The following DLGAP5 variants were observed in gnomAD, a reference collection of about 807,000 sequenced individuals.
DLGAP5 encodes the protein DLG associated protein 5, also known as disks large-associated protein 5.
In DLGAP5, 90 loss-of-function variants were observed where a neutral mutation model predicts 99.6. The ratio of observed to expected loss-of-function variants is 0.90; its 90% CI spans 0.76 to 1.08. The LOEUF (loss-of-function observed/expected upper bound fraction) is 1.08, where lower values mean the gene tolerates loss of function less well. DLGAP5 is among the 50% of genes least tolerant of loss of function. The pLI is 0.00. For missense variants in DLGAP5, 1,036 were observed against 983.5 expected (o/e 1.05, Z -0.71); for synonymous variants, 311 against 321.3 (o/e 0.97, Z 0.34).
At chr14:55,175,283 GTTTTGGTTTTAAATGTCTAGATATTAA>G (rs1434471582) in intron 10 of DLGAP5, 36 bp downstream of exon 10, 2 of 1,501,374 alleles carry the variant, frequency 1.3e-6, no homozygotes, top group African/African-American at 2.9e-5. Flanking sequence ...AAAATTTTTA[GTTTTGGTTTTAAATGTCTAGATATTAA>G]TACAAAATTC....
chr14:55,185,852 A>G (rs1216067243), intron 2 of DLGAP5, among the ~76,000 whole-genome samples: 2 of 152,260 alleles, frequency 1.3e-5, no homozygotes, highest in African/African-American at 4.8e-5. Flanking sequence ...ACACACAATT[A>G]TAATGAACCC....
At chr14:55,160,267 C>T (rs574089614) in intron 13 of DLGAP5, among the ~76,000 whole-genome samples, 5 of 149,894 alleles carry the variant, frequency 3.3e-5, no homozygotes, top group East Asian at 2.0e-4. Context: ...TGGTGGCACA[C>T]GCCTGTAATC....
Position 55,170,791 on chromosome 14 carries a change from A to C in DLGAP5, c.1302-4T>G, listed in dbSNP as rs755509927. ...AGTTTCTGACTGGAGGATATTTCTA[A>C]AATTATGACATACATTTCAGTTCTA... On this transcript the variant is annotated splice_polypyrimidine_tract_variant and splice_region_variant and intron_variant, in intron 10 of 18. Transcript: ENST00000247191. 3.1e-6 allele frequency: 5 copies of C among 1,610,766 alleles called. No homozygotes were observed. The highest frequency in any genetic ancestry group is 2.2e-5 in the East Asian group (1 of 44,756).
At chr14:55,176,146 T>A in intron 8 of DLGAP5, 128 bp from the exon 9 acceptor site, 1 of 773,284 alleles carries the variant, frequency 1.3e-6, no homozygotes, top group Non-Finnish European at 1.9e-6. Context: ...TTAAAATGTG[T>A]ATTCTGGAGG....
intron 15 of DLGAP5, among the ~76,000 whole-genome samples, chr14:55,153,592 A>G (rs1473372565): frequency 6.6e-6 from 1 of 152,104 alleles, no homozygotes; most frequent in African/African-American, 2.4e-5. Flanking sequence ...TTTTTAAAAA[A>G]GATATGCTCT....
Position 55,189,014 on chromosome 14 carries a change from C to T in DLGAP5, c.166G>A (p.Glu56Lys), listed in dbSNP as rs1273663499. ...TCTAATTCAACAAGAATTCTACCTT[C>T]CAAGGTTGGAATGTTTACATCTTTC... ...GLKDVNIPTL[E>K]GRILVELDET... The change falls in exon 2 of 19, where the codon GAA (glutamate) becomes AAA (lysine). Residue 56 changes from glutamate (E) to lysine (K), a missense_variant. Glu to Lys is a moderately conservative substitution (Grantham distance 56). Coordinates refer to ENST00000247191, the MANE Select transcript of DLGAP5 (RefSeq NM_014750.5). 2.5e-6 allele frequency: 4 copies of T among 1,613,790 alleles called. No individual in the cohort carries two copies. Among genetic ancestry groups the T allele is most frequent in the Non-Finnish European group, 3.4e-6 (4 of 1,179,982 alleles).
At chr14:55,171,763 A>G (rs1473134448) in intron 10 of DLGAP5, among the ~76,000 whole-genome samples, 1 of 152,224 alleles carries the variant, frequency 6.6e-6, no homozygotes, top group Non-Finnish European at 1.5e-5. Flanking sequence ...GTATATACAT[A>G]CAATGAAATA....
intron 3 of DLGAP5, among the ~76,000 whole-genome samples, chr14:55,182,749 C>T (rs938095501): frequency 2.0e-5 from 3 of 152,144 alleles, no homozygotes; most frequent in African/African-American, 7.2e-5. Flanking sequence ...TGGTACCTGG[C>T]TTCTGCCTAC....
In DLGAP5 at chr14:55,162,970, C is replaced by A; in HGVS notation, c.1653+1G>T. 1.9e-6 allele frequency: 3 copies of A among 1,545,820 alleles called. No homozygotes were observed. Among genetic ancestry groups the A allele is most frequent in the Non-Finnish European group, 2.6e-6 (3 of 1,142,646 alleles). ...ATTGGATATAAAACCCACAAACTTA[C>A]CCTAAAGACATTTTTGTTCATATTA... On this transcript the variant is annotated splice_donor_variant, in intron 13 of 18. Coordinates refer to ENST00000247191, the MANE Select transcript of DLGAP5 (RefSeq NM_014750.5). LOFTEE classifies it high-confidence loss of function.
intron 14 of DLGAP5, among the ~76,000 whole-genome samples, 160 bp downstream of exon 14, chr14:55,158,362 G>A (rs775887165): frequency 1.3e-5 from 2 of 152,138 alleles, no homozygotes; most frequent in Non-Finnish European, 2.9e-5. Flanking sequence ...TACAGTGTTT[G>A]TGAGCGAGCA....
chr14:55,148,420 T>C lies in DLGAP5; in HGVS notation c.2472A>G (p.Glu824=). The change falls in exon 19 of 19, where the codon GAA becomes GAG. Residue 824 remains glutamate (E), a synonymous_variant. Coordinates refer to ENST00000247191, the MANE Select transcript of DLGAP5 (RefSeq NM_014750.5). ...CACCAAAAGAAATGTGTCTGGCATG[T>C]TCTTGATGTCTCCTCTCCAGCTGAG... is the stretch of plus-strand genomic sequence containing the variant. ...PFTQLERRHQ[E]HARHISFGGN... is the part of the protein sequence containing the mutation. 6.2e-7 allele frequency: 1 copy of C among 1,614,198 alleles called. No homozygotes were observed.
intron 13 of DLGAP5, among the ~76,000 whole-genome samples, chr14:55,160,288 G>A (rs1436093944): frequency 6.6e-6 from 1 of 151,198 alleles, no homozygotes; most frequent in African/African-American, 2.4e-5. Flanking sequence ...CCAGCTACTT[G>A]GGAGGCTGAG....
At chr14:55,163,477 T>A (rs549942514) in intron 12 of DLGAP5, among the ~76,000 whole-genome samples, 13 of 152,244 alleles carry the variant, frequency 8.5e-5, no homozygotes, top group Admixed American at 5.9e-4. Context: ...TGAATAAAGC[T>A]GCTATATTGC....
intron 12 of DLGAP5, among the ~76,000 whole-genome samples, chr14:55,164,043 A>T (rs1054031514): frequency 6.6e-6 from 1 of 152,208 alleles, no homozygotes. Context: ...ATGGAAATAT[A>T]ATCCCCATCT....
intron 1 of DLGAP5, among the ~76,000 whole-genome samples, chr14:55,189,870 T>C (rs1263737348): frequency 6.6e-6 from 1 of 152,156 alleles, no homozygotes; most frequent in Non-Finnish European, 1.5e-5. Context: ...AAGTCAACCT[T>C]CAGCTCCTCT....
At chr14:55,151,443 C>CAA (rs1882014629) in intron 17 of DLGAP5, among the ~76,000 whole-genome samples, 1 of 151,846 alleles carries the variant, frequency 6.6e-6, no homozygotes, top group Non-Finnish European at 1.5e-5. Flanking sequence ...AGAATCGCCT[C>CAA]AACCTGGGAG....
At chr14:55,156,999 G>C (rs560005566) in intron 14 of DLGAP5, among the ~76,000 whole-genome samples, 1 of 152,232 alleles carries the variant, frequency 6.6e-6, no homozygotes, top group Non-Finnish European at 1.5e-5. Flanking sequence ...TTTTGAAAAA[G>C]ATCAAACCTT....
Position 55,170,706 on chromosome 14 carries a change from A to G in DLGAP5, c.1383T>C (p.Asp461=). ...WDRKLELDIP[D]DAKDLIRTAV... ...AAAATACAAATGTTGCCTCACCATC[A>G]TCTGGAATGTCCAATTCAAGTTTCC... The change falls in exon 11 of 19, where the codon GAT becomes GAC. Residue 461 remains aspartate, a synonymous_variant. Coordinates refer to ENST00000247191, the MANE Select transcript of DLGAP5 (RefSeq NM_014750.5). 1 of 1,612,544 alleles carries G rather than the reference A, an allele frequency of 6.2e-7. No homozygotes were observed. The highest frequency in any genetic ancestry group is 8.5e-7 in the Non-Finnish European group (1 of 1,178,812).
intron 14 of DLGAP5, among the ~76,000 whole-genome samples, chr14:55,156,045 C>G (rs1223276917): frequency 1.3e-5 from 2 of 151,460 alleles, no homozygotes; most frequent in South Asian, 2.1e-4. Context: ...GTGCTGAGAT[C>G]GTGCCACTGC....
Sources: gnomAD v4.1 joint callset for allele counts (sites outside exome capture counted in the v4.1 genomes callset) on GRCh38, gnomAD v4.1.1 for gene constraint, MANE v1.5 for transcripts, NCBI Gene and HGNC (gene_info 2026-07-23, HGNC 2026-07-21) for gene names.